Variants in ARHGAP22 observed in about 807,000 individuals in gnomAD.
ARHGAP22 encodes the protein Rho GTPase activating protein 22, also known as rho GTPase-activating protein 22.
ARHGAP22 carries 48 observed loss-of-function variants against 59.1 expected under a neutral mutation model. That is an observed-to-expected ratio of 0.81 (90% CI 0.64 to 1.03). The LOEUF (loss-of-function observed/expected upper bound fraction) is 1.03. ARHGAP22 is among the 50% of genes least tolerant of loss of function. ARHGAP22 has a pLI of 0.00. For missense variants in ARHGAP22, 1,015 were observed against 958.7 expected, an observed-to-expected ratio of 1.06 and a Z score of -0.78; for synonymous variants, 445 against 416.4, an observed-to-expected ratio of 1.07 and a Z score of -0.84.
the ARHGAP22 span, chr10:48,438,232 C>T: frequency 6.6e-6 from 1 of 152,256 alleles, no homozygotes; most frequent in African/African-American, 2.4e-5. Context: ...ACCATTCTGT[C>T]ATTAGCAGCC....
At chr10:48,632,676 A>G (rs1334997005) in intron 1 of ARHGAP22, among the ~76,000 whole-genome samples, 5 of 152,178 alleles carry the variant, frequency 3.3e-5, no homozygotes, top group Admixed American at 2.6e-4. Flanking sequence ...CTCCAAGTTT[A>G]GAGTGCACAC....
chr10:48,604,479 C>T (rs1018203245), intron 1 of ARHGAP22, among the ~76,000 whole-genome samples: 2 of 152,206 alleles, frequency 1.3e-5, no homozygotes, highest in African/African-American at 2.4e-5. Context: ...TCACCTGGAG[C>T]GACCGAGGGC....
chr10:48,644,353 A>C (rs1440062847), intron 1 of ARHGAP22, among the ~76,000 whole-genome samples: 1 of 152,316 alleles, frequency 6.6e-6, no homozygotes, highest in African/African-American at 2.4e-5. Context: ...CCATATCCCA[A>C]TCTCCATAAT....
rs113502653 is a variant in ARHGAP22, at chr10:48,450,293, G to T, written c.1836C>A (p.Arg612=). ...LVTELRAELC[R]QRTEYERSVK... is the part of the protein sequence containing the mutation. Reference sequence around the variant, plus strand: ...CACTCCTCTCGTACTCAGTCCGCTGGCGGCACAGCTCGGCCCTGAGCTCAG... The same window carrying T: ...CACTCCTCTCGTACTCAGTCCGCTGTCGGCACAGCTCGGCCCTGAGCTCAG... The change falls in exon 9 of 10, where the codon CGC becomes CGA. Residue 612 remains arginine, a synonymous_variant. Transcript: ENST00000249601. The T allele has an allele frequency of 2.5e-4, 404 of 1,609,340 alleles. 1 individual carries two copies. The African/African-American group carries it at 4.7e-3, about 19-fold the overall frequency.
chr10:48,509,810 C>G (rs930439990), intron 3 of ARHGAP22, among the ~76,000 whole-genome samples: 2 of 152,174 alleles, frequency 1.3e-5, no homozygotes, highest in Non-Finnish European at 2.9e-5. Context: ...TGAAGACGCC[C>G]GACGAGTCAT....
intron 1 of ARHGAP22, among the ~76,000 whole-genome samples, chr10:48,624,750 G>A (rs1019216968): frequency 6.6e-6 from 1 of 152,180 alleles, no homozygotes; most frequent in South Asian, 2.1e-4. Flanking sequence ...CTCATGCCAC[G>A]AGGAAAGCAG....
chr10:48,475,002 C>G (rs1301051257), intron 4 of ARHGAP22, among the ~76,000 whole-genome samples: 2 of 152,148 alleles, frequency 1.3e-5, no homozygotes, highest in African/African-American at 4.8e-5. Flanking sequence ...ACCTCACCTC[C>G]TCCTCCAGCT....
chr10:48,466,603 G>T (rs1381271194), intron 4 of ARHGAP22: 1 of 145,954 alleles, frequency 6.9e-6, no homozygotes, highest in East Asian at 2.0e-4. Flanking sequence ...CAACAAGCGG[G>T]CAAGCGGCAA....
intron 1 of ARHGAP22, among the ~76,000 whole-genome samples, chr10:48,615,304 G>A (rs10857611): frequency 0.37 from 56,925 of 152,028 alleles, 11,578 homozygotes; most frequent in African/African-American, 0.55. Flanking sequence ...CTTGCCCCCA[G>A]GTATTTAAAG....
chr10:48,493,444 G>A (rs1245915256), intron 3 of ARHGAP22: 63 of 1,535,774 alleles, frequency 4.1e-5, no homozygotes, highest in Non-Finnish European at 5.1e-5. Flanking sequence ...CTTACCCCTG[G>A]GCATACGCCT....
At chr10:48,619,807 G>C (rs2061219700) in intron 1 of ARHGAP22, among the ~76,000 whole-genome samples, 1 of 152,100 alleles carries the variant, frequency 6.6e-6, no homozygotes. Flanking sequence ...TTATGAAGAA[G>C]ACCTCAAACA....
At chr10:48,504,103 C>CGTG (rs1554881401) in intron 3 of ARHGAP22, among the ~76,000 whole-genome samples, 59 of 152,182 alleles carry the variant, frequency 3.9e-4, no homozygotes, top group African/African-American at 1.4e-3. Flanking sequence ...GGATAAGCTG[C>CGTG]CTGCTGCCCT....
intron 3 of ARHGAP22, among the ~76,000 whole-genome samples, chr10:48,554,777 C>T (rs2057177544): frequency 6.6e-6 from 1 of 152,174 alleles, no homozygotes; most frequent in Non-Finnish European, 1.5e-5. Flanking sequence ...AGGATGCCTG[C>T]AGCAGCAACC....
At chr10:48,597,088 A>G (rs2135824790) in intron 1 of ARHGAP22, among the ~76,000 whole-genome samples, 1 of 152,324 alleles carries the variant, frequency 6.6e-6, no homozygotes, top group Non-Finnish European at 1.5e-5. Flanking sequence ...TCAACGCAGA[A>G]TGATTGACTT....
chr10:48,626,199 G>A (rs907249943), intron 1 of ARHGAP22, among the ~76,000 whole-genome samples: 8 of 152,152 alleles, frequency 5.3e-5, no homozygotes, highest in African/African-American at 1.4e-4. Context: ...CCAATTATAA[G>A]AGAGACTCAC....
intron 1 of ARHGAP22, among the ~76,000 whole-genome samples, chr10:48,634,093 G>T (rs1423109516): frequency 6.6e-6 from 1 of 152,200 alleles, no homozygotes; most frequent in African/African-American, 2.4e-5. Context: ...AAGCCAGTTT[G>T]CACTAGTAGC....
At chr10:48,599,179 A>G (rs1031780188) in intron 1 of ARHGAP22, among the ~76,000 whole-genome samples, 7 of 152,232 alleles carry the variant, frequency 4.6e-5, no homozygotes, top group African/African-American at 1.7e-4. Flanking sequence ...AGTGAGGGAC[A>G]AACCAGGAAG....
At chr10:48,632,728 A>G (rs1420336434) in intron 1 of ARHGAP22, among the ~76,000 whole-genome samples, 2 of 152,276 alleles carry the variant, frequency 1.3e-5, no homozygotes, top group Middle Eastern at 3.4e-3. Flanking sequence ...ACCAACTGCA[A>G]ATTGGGGGGT....
chr10:48,553,543 G>C (rs920832293), intron 3 of ARHGAP22, among the ~76,000 whole-genome samples: 3 of 152,192 alleles, frequency 2.0e-5, no homozygotes, highest in African/African-American at 7.2e-5. Flanking sequence ...TGTCTCTCTG[G>C]GGATTCTTTC....
Sources: allele counts gnomAD v4.1 joint callset (sites outside exome capture counted in the v4.1 genomes callset), GRCh38; gene constraint gnomAD v4.1.1; transcripts MANE v1.5; gene names NCBI Gene and HGNC (gene_info 2026-07-23, HGNC 2026-07-21).